PDLIM1: variants seen among roughly 807,000 people sequenced by gnomAD.
PDLIM1 encodes PDZ and LIM domain protein 1.
In PDLIM1, 25 loss-of-function variants were observed where a neutral mutation model predicts 35.2. That is an observed-to-expected ratio of 0.71 (90% CI 0.52 to 0.99). The LOEUF is 0.99. Ranked by LOEUF, PDLIM1 falls within the 50% of genes least tolerant of loss-of-function variation. The probability of loss-of-function intolerance (pLI) is 0.00; values close to 1 mark genes in which losing one functional copy is unlikely to be tolerated. For missense variants in PDLIM1, 363 were observed against 415.3 expected (o/e 0.87, Z 1.09); for synonymous variants, 152 against 154.0 (o/e 0.99, Z 0.10).
rs905285414 is a variant in PDLIM1 at position 95,272,479 on chromosome 10, A to G, written c.97-695T>C. 2.6e-5 allele frequency among the ~76,000 whole-genome samples: 4 copies of G among 152,184 alleles called. No individual in the cohort carries two copies. In the East Asian group the frequency reaches 5.8e-4, roughly 22 times the overall value. On this transcript the variant is annotated intron_variant, in intron 1 of 6. Coordinates refer to ENST00000329399, the MANE Select transcript of PDLIM1 (RefSeq NM_020992.4). ...GATCACCTGAGGCCACGAGTTTGAG[A>G]CCAGCCTGGCCAGCATGGTGAAACC...
At chr10:95,245,547 G>A (rs1044509124) in intron 5 of PDLIM1, among the ~76,000 whole-genome samples, 4 of 152,136 alleles carry the variant, frequency 2.6e-5, no homozygotes, top group Admixed American at 1.3e-4. Flanking sequence ...TCACATCCAC[G>A]TAAGAGTGAA....
At chr10:95,256,858 C>A (rs1157269737) in intron 4 of PDLIM1, among the ~76,000 whole-genome samples, 1 of 151,446 alleles carries the variant, frequency 6.6e-6, no homozygotes, top group African/African-American at 2.4e-5. Context: ...GCCTGTAGTT[C>A]TAGATACTCA....
chr10:95,290,772 T>A lies in PDLIM1; in HGVS notation c.96+48A>T. 1 of 1,363,226 alleles carries A rather than the reference T, an allele frequency of 7.3e-7. No homozygotes were observed. The highest frequency in any genetic ancestry group is 1.0e-6 in the Non-Finnish European group (1 of 998,300). 84.4% of individuals were successfully genotyped at this position (1,363,226 alleles called of 1,614,324 possible). A position where few individuals can be genotyped will look rare whatever the true frequency, so the allele number is the denominator to read the frequency against. Reference sequence around the variant, plus strand: ...CCCGCGGGGCCCCAGTCTCCGCATATCACCTCCCATAGCGCCCCGCTTCCA... The same window carrying A: ...CCCGCGGGGCCCCAGTCTCCGCATAACACCTCCCATAGCGCCCCGCTTCCA... On this transcript the variant is annotated intron_variant, in intron 1 of 6. Transcript: ENST00000329399. The surrounding 1 kb of genome is among the most constrained non-coding windows in gnomAD (Gnocchi z 4.7).
At position 95,263,876 on chromosome 10, in the gene PDLIM1, G is replaced by T. The variant is rs150307882; in HGVS notation, c.521C>A (p.Ala174Glu). ...CTGGGCTACTTACGGTCTGCTGTTCGCCTCCACCCCGCTGGCAGCAGTCTT... is the reference window on the plus strand; with the variant it reads ...CTGGGCTACTTACGGTCTGCTGTTCTCCTCCACCCCGCTGGCAGCAGTCTT... Reference protein sequence around the residue: ...ESKTAASGVEANSRPLDHAQP... With the variant: ...ESKTAASGVEENSRPLDHAQP... Residue 174 changes from alanine (A) to glutamate (E), a missense_variant, in exon 4 of 7, where the codon GCG (alanine) becomes GAG (glutamate). Physicochemically the swap from Ala to Glu is moderately radical, Grantham distance 107. Coordinates refer to ENST00000329399, the MANE Select transcript of PDLIM1 (RefSeq NM_020992.4). 5.6e-6 allele frequency: 9 copies of T among 1,612,124 alleles called. No homozygotes were observed. Among genetic ancestry groups the T allele is most frequent in the Non-Finnish European group, 7.6e-6 (9 of 1,179,096 alleles).
At chr10:95,285,573 C>A (rs1044691728) in intron 1 of PDLIM1, among the ~76,000 whole-genome samples, 6 of 152,118 alleles carry the variant, frequency 3.9e-5, no homozygotes, top group African/African-American at 1.4e-4. Context: ...GTGGGGAATA[C>A]AGAAGAAGAT....
In PDLIM1 at chr10:95,290,143, G is replaced by A. The variant is rs893163017; in HGVS notation, c.96+677C>T. 6.6e-6 allele frequency among the ~76,000 whole-genome samples: 1 copy of A among 152,202 alleles called. No individual in the cohort carries two copies. The highest frequency in any genetic ancestry group is 6.5e-5 in the Admixed American group (1 of 15,278). Reference sequence around the variant, plus strand: ...TCTACTCATGCCCTGAGAAAAAAGGGCTGGTGCGGGGAGGGGAAAGAGATA... The same window carrying A: ...TCTACTCATGCCCTGAGAAAAAAGGACTGGTGCGGGGAGGGGAAAGAGATA... On this transcript the variant is annotated intron_variant, in intron 1 of 6. Transcript: ENST00000329399. This position sits in a 1 kb window ranked among gnomAD's most constrained non-coding sequence, Gnocchi z 4.7.
chr10:95,260,126 C>A (rs2035348032), intron 4 of PDLIM1, among the ~76,000 whole-genome samples: 1 of 152,234 alleles, frequency 6.6e-6, no homozygotes, highest in African/African-American at 2.4e-5. Context: ...AGGGGCCAGG[C>A]ACTGTGCTGA....
At chr10:95,245,017 C>T (rs1020721443) in intron 5 of PDLIM1, among the ~76,000 whole-genome samples, 1 of 152,156 alleles carries the variant, frequency 6.6e-6, no homozygotes, top group African/African-American at 2.4e-5. Flanking sequence ...AGATTTAATG[C>T]GGGTACACAG....
In PDLIM1 at chr10:95,271,654, T is replaced by A; in HGVS notation, c.227A>T (p.Asn76Ile). The A allele has an allele frequency of 6.2e-7, 1 of 1,606,072 alleles. No homozygotes were observed. The highest frequency in any genetic ancestry group is 8.5e-7 in the Non-Finnish European group (1 of 1,178,126). Reference protein sequence around the residue: ...AQNRIKGCTDNLTLTVARSEH... With the variant: ...AQNRIKGCTDILTLTVARSEH... ...TCACCTGGCTACAGTGAGAGTCAAG[T>A]TGTCTGTGCAGCCTTTGATTCTGTT... is the stretch of plus-strand genomic sequence containing the variant. The change falls in exon 2 of 7, where the codon AAC (asparagine) becomes ATC (isoleucine). Residue 76 changes from asparagine to isoleucine, a missense_variant. Coordinates refer to ENST00000329399, the MANE Select transcript of PDLIM1 (RefSeq NM_020992.4).
At chr10:95,262,308 G>C (rs2035371088) in intron 4 of PDLIM1, among the ~76,000 whole-genome samples, 1 of 152,158 alleles carries the variant, frequency 6.6e-6, no homozygotes, top group African/African-American at 2.4e-5. Context: ...AAGGTGAATT[G>C]GGGAGAAACT....
At chr10:95,276,921 A>AAAAAAC (rs1564605478) in intron 1 of PDLIM1, among the ~76,000 whole-genome samples, 1 of 132,636 alleles carries the variant, frequency 7.5e-6, no homozygotes, top group Non-Finnish European at 1.7e-5. Flanking sequence ...AAAAAAAAAA[A>AAAAAAC]AAACTTCTGG....
chr10:95,271,588 C>G, intron 2 of PDLIM1, 45 bp downstream of exon 2: 2 of 1,545,306 alleles, frequency 1.3e-6, no homozygotes, highest in Non-Finnish European at 1.7e-6. Context: ...CCACAAACAG[C>G]TTCTAGTCAA....
At chr10:95,268,723 G>A in intron 3 of PDLIM1, 55 bp downstream of exon 3, 1 of 1,157,350 alleles carries the variant, frequency 8.6e-7, no homozygotes, top group Non-Finnish European at 1.3e-6. Context: ...AGCAGTGTCA[G>A]AAACGGCAAA....
intron 4 of PDLIM1, among the ~76,000 whole-genome samples, chr10:95,253,285 T>G (rs2035283142): frequency 6.6e-6 from 1 of 152,180 alleles, no homozygotes; most frequent in Admixed American, 6.5e-5. Context: ...GGAAATATCC[T>G]TCAAGAATGA....
chr10:95,242,624 T>C (rs1286740294), intron 5 of PDLIM1, among the ~76,000 whole-genome samples: 1 of 150,974 alleles, frequency 6.6e-6, no homozygotes, highest in African/African-American at 2.4e-5. Flanking sequence ...GAGGCGGAGG[T>C]TGCAGTGAGA....
intron 5 of PDLIM1, among the ~76,000 whole-genome samples, chr10:95,243,866 C>T (rs892613128): frequency 6.6e-6 from 1 of 152,080 alleles, no homozygotes; most frequent in African/African-American, 2.4e-5. Context: ...AGGACAACTA[C>T]TGCATGACAC....
At chr10:95,257,016 A>C (rs2035320223) in intron 4 of PDLIM1, among the ~76,000 whole-genome samples, 1 of 149,264 alleles carries the variant, frequency 6.7e-6, no homozygotes, top group Admixed American at 6.6e-5. Flanking sequence ...GAAAGAAAGA[A>C]AGAAAGAAAG....
intron 1 of PDLIM1, among the ~76,000 whole-genome samples, chr10:95,275,344 T>C (rs1324243882): frequency 6.6e-6 from 1 of 152,196 alleles, no homozygotes; most frequent in East Asian, 1.9e-4. Context: ...GCTCTACGTG[T>C]ATTAAACTTT....
At chr10:95,282,576 C>T (rs538903605) in intron 1 of PDLIM1, among the ~76,000 whole-genome samples, 69 of 152,258 alleles carry the variant, frequency 4.5e-4, no homozygotes, top group African/African-American at 1.6e-3. Flanking sequence ...TCTGAAAGAC[C>T]GACCACCATT....
Sources: allele counts gnomAD v4.1 joint callset (sites outside exome capture counted in the v4.1 genomes callset), GRCh38; gene constraint gnomAD v4.1.1; non-coding constraint Gnocchi (gnomAD v3.1); transcripts MANE v1.5; gene names NCBI Gene and HGNC (gene_info 2026-07-23, HGNC 2026-07-21).